ZBTB8A: variants seen among roughly 807,000 people sequenced by gnomAD.
ZBTB8A encodes zinc finger and BTB domain-containing protein 8A.
In ZBTB8A, 19 loss-of-function variants were observed where a neutral mutation model predicts 37.8. That is an observed-to-expected ratio of 0.50 (90% CI 0.35 to 0.74). The LOEUF is 0.74. Among genes scored for constraint, ZBTB8A ranks in the 30% least tolerant of loss-of-function variants. ZBTB8A has a pLI of 0.01. For missense variants in ZBTB8A, 394 were observed against 537.8 expected, an observed-to-expected ratio of 0.73 and a Z score of 2.65; for synonymous variants, 181 against 185.2, an observed-to-expected ratio of 0.98 and a Z score of 0.19.
chr1:32,594,197 AAAAC>A (rs1258893505), intron 3 of ZBTB8A, among the ~76,000 whole-genome samples: 1 of 149,040 alleles, frequency 6.7e-6, no homozygotes. Context: ...CTGTCTCAAA[AAAAC>A]AAAAAAAGAA....
chr1:32,561,403 A>G (rs902899951), intron 2 of ZBTB8A, among the ~76,000 whole-genome samples: 1 of 152,070 alleles, frequency 6.6e-6, no homozygotes, highest in African/African-American at 2.4e-5. Context: ...TGACAGCGCC[A>G]TGCTGCCTCT....
At chr1:32,541,204 C>T (rs1015790936) in intron 1 of ZBTB8A, among the ~76,000 whole-genome samples, 6 of 152,178 alleles carry the variant, frequency 3.9e-5, no homozygotes, top group African/African-American at 1.4e-4. Flanking sequence ...TGGTCAGTGG[C>T]TCCCCATCTT....
intron 2 of ZBTB8A, among the ~76,000 whole-genome samples, chr1:32,578,237 T>A (rs949348148): frequency 5.3e-5 from 8 of 151,492 alleles, no homozygotes; most frequent in Admixed American, 4.6e-4. Context: ...GCTAATTTTT[T>A]TTTTTTTTTT....
intron 2 of ZBTB8A, among the ~76,000 whole-genome samples, chr1:32,576,625 C>A (rs1293054000): frequency 1.3e-5 from 2 of 152,152 alleles, no homozygotes; most frequent in Non-Finnish European, 2.9e-5. Context: ...GACGGGGTCT[C>A]ACTATGTTGG....
rs913095018 is a variant in ZBTB8A, at chr1:32,603,655, T to G, written c.*3236T>G. ...TTAGTCTATGATCTAAATGTCCTTT[T>G]ATGCTATTATCTTCTGCATGCAAAC... is the stretch of plus-strand genomic sequence containing the variant. On this transcript the variant is annotated 3_prime_UTR_variant, in exon 5 of 5. Transcript: ENST00000373510. 6.5e-6 allele frequency: 1 copy of G among 152,692 alleles called. No homozygotes were observed. Among genetic ancestry groups the G allele is most frequent in the African/African-American group, 2.4e-5 (1 of 41,478 alleles). 9.5% of individuals were successfully genotyped at this position (152,692 alleles called of 1,614,324 possible).
intron 2 of ZBTB8A, among the ~76,000 whole-genome samples, chr1:32,591,461 C>G (rs1644487681): frequency 6.6e-6 from 1 of 152,012 alleles, no homozygotes; most frequent in Non-Finnish European, 1.5e-5. Context: ...TCAAGCTGTC[C>G]TCCTGCCTCT....
intron 1 of ZBTB8A, 30 bp from the exon 2 acceptor site, chr1:32,553,429 A>G (rs1483253536): frequency 6.6e-6 from 1 of 152,196 alleles, no homozygotes; most frequent in Non-Finnish European, 1.5e-5. Flanking sequence ...ACAAAAGTAC[A>G]TTATAAATAT....
chr1:32,570,140 T>C (rs1192146264), intron 2 of ZBTB8A, among the ~76,000 whole-genome samples: 2 of 152,210 alleles, frequency 1.3e-5, no homozygotes, highest in African/African-American at 2.4e-5. Context: ...GCACCATTTG[T>C]TTGAAAACAT....
intron 2 of ZBTB8A, among the ~76,000 whole-genome samples, chr1:32,562,569 CTTTTTTTT>C (rs751648634): frequency 8.9e-6 from 1 of 111,844 alleles, no homozygotes; most frequent in South Asian, 2.9e-4. Flanking sequence ...CCGCGTCCGG[CTTTTTTTT>C]TTTTTTTTTT....
At chr1:32,587,464 A>C (rs1644458271) in intron 2 of ZBTB8A, among the ~76,000 whole-genome samples, 1 of 150,234 alleles carries the variant, frequency 6.7e-6, no homozygotes. Flanking sequence ...GGTGAACAAA[A>C]AGTATGGTTT....
chr1:32,595,357 T>C (rs1644522214), intron 4 of ZBTB8A, 134 bp downstream of exon 4: 1 of 848,514 alleles, frequency 1.2e-6, no homozygotes, highest in African/African-American at 1.7e-5. Flanking sequence ...AACCTCTGCC[T>C]CCCGGGTTCA....
intron 4 of ZBTB8A, among the ~76,000 whole-genome samples, chr1:32,598,921 G>A (rs1644553046): frequency 6.6e-6 from 1 of 151,968 alleles, no homozygotes; most frequent in African/African-American, 2.4e-5. Flanking sequence ...TCATCAGTCT[G>A]GGTGGTGCCC....
chr1:32,541,669 A>G (rs1644055782), intron 1 of ZBTB8A, among the ~76,000 whole-genome samples: 2 of 152,134 alleles, frequency 1.3e-5, no homozygotes, highest in Non-Finnish European at 2.9e-5. Flanking sequence ...TGCTTCCAAG[A>G]TGGCACCGTG....
chr1:32,572,407 T>C lies in ZBTB8A; in HGVS notation c.-2+18867T>C, dbSNP rs552868975. On this transcript the variant is annotated intron_variant, in intron 2 of 4. Coordinates refer to ENST00000373510, the MANE Select transcript of ZBTB8A (RefSeq NM_001040441.3). ...TTTCTTGTATTAGGTTTTTTTTTTC[T>C]TTTTTTGAGACAGAGTCTCACTCTG... Among the ~76,000 whole-genome samples the C allele has an allele frequency of 1.4e-4, 22 of 151,902 alleles. No homozygotes were observed. The East Asian group carries it at 3.7e-3, about 25-fold the overall frequency.
chr1:32,556,821 G>A (rs2148221426), intron 2 of ZBTB8A, among the ~76,000 whole-genome samples: 1 of 152,006 alleles, frequency 6.6e-6, no homozygotes, highest in East Asian at 1.9e-4. Flanking sequence ...AGGTTGCAGT[G>A]AGCCGAGATT....
At chr1:32,539,920 G>T (rs898127411) in intron 1 of ZBTB8A, among the ~76,000 whole-genome samples, 48 of 150,626 alleles carry the variant, frequency 3.2e-4, no homozygotes, top group Non-Finnish European at 6.2e-4. Context: ...GACTCTGGAG[G>T]GGCTCGGGCT....
chr1:32,585,264 T>C (rs918902696), intron 2 of ZBTB8A, among the ~76,000 whole-genome samples: 9 of 151,990 alleles, frequency 5.9e-5, no homozygotes, highest in African/African-American at 1.9e-4. Flanking sequence ...TTCTCCCAAC[T>C]TGGCCTCCCA....
At chr1:32,568,133 A>G (rs1224164997) in intron 2 of ZBTB8A, among the ~76,000 whole-genome samples, 1 of 152,106 alleles carries the variant, frequency 6.6e-6, no homozygotes, top group Non-Finnish European at 1.5e-5. Context: ...TGGGCGACAG[A>G]GCAAGACTCT....
In ZBTB8A at chr1:32,593,116, A is replaced by G. The variant is rs1207285925; in HGVS notation, c.185A>G (p.Gln62Arg). 1 of 1,614,212 alleles carries G rather than the reference A, an allele frequency of 6.2e-7. No homozygotes were observed. The highest frequency in any genetic ancestry group is 2.2e-5 in the East Asian group (1 of 44,870). The stretch of plus-strand genomic sequence containing the variant: ...TCTCAGAATTCAAAGGAGACGAGTC[A>G]GCCAACCACAGCTACATTTCAGGCT... ...LLSQNSKETSQPTTATFQAFS... is the reference protein window; with the variant it reads ...LLSQNSKETSRPTTATFQAFS... The change falls in exon 3 of 5, where the codon CAG (glutamine) becomes CGG (arginine). Residue 62 changes from glutamine to arginine, a missense_variant. Gln to Arg is a conservative substitution (Grantham distance 43). This residue lies in a region of ZBTB8A where 96 missense variants were observed against 165.6 expected (regional missense o/e 0.58). Coordinates refer to ENST00000373510, the MANE Select transcript of ZBTB8A (RefSeq NM_001040441.3).
Sources: allele counts gnomAD v4.1 joint callset (sites outside exome capture counted in the v4.1 genomes callset), GRCh38; gene constraint gnomAD v4.1.1; regional missense constraint gnomAD v4.1.1; transcripts MANE v1.5; gene names NCBI Gene and HGNC (gene_info 2026-07-23, HGNC 2026-07-21).